ZFHX4: variants seen among roughly 807,000 people sequenced by gnomAD.
The protein encoded by ZFHX4 is zinc finger homeobox protein 4.
Under a neutral mutation model 267.6 loss-of-function variants are expected in ZFHX4, and 56 were observed. The observed-to-expected ratio is 0.21, with a 90% CI of 0.17 to 0.26. The LOEUF is 0.26. Among genes scored for constraint, ZFHX4 ranks in the 10% least tolerant of loss-of-function variants. The pLI is 1.00. For missense variants in ZFHX4, 4,332 were observed against 4,420.0 expected (o/e 0.98, Z 0.56); for synonymous variants, 1,778 against 1,665.6 (o/e 1.07, Z -1.64).
intron 3 of ZFHX4, among the ~76,000 whole-genome samples, chr8:76,768,909 A>T (rs1269875012): frequency 6.6e-6 from 1 of 152,152 alleles, no homozygotes; most frequent in Non-Finnish European, 1.5e-5. Context: ...AGAAAAAGAG[A>T]TGGCAAACAA....
chr8:76,849,492 G>A lies in ZFHX4; in HGVS notation c.3646-20G>A. 6.3e-7 allele frequency: 1 copy of A among 1,597,056 alleles called. No individual in the cohort carries two copies. The highest frequency in any genetic ancestry group is 2.2e-5 in the East Asian group (1 of 44,744). ...AAATGCATTAACTAATAGTGGCCATGTTTATTCAATATTTTCCAGTTCTAT... is the reference window on the plus strand; with the variant it reads ...AAATGCATTAACTAATAGTGGCCATATTTATTCAATATTTTCCAGTTCTAT... On this transcript the variant is annotated intron_variant, in intron 7 of 10. Transcript: ENST00000651372.
chr8:76,747,310 C>T (rs941030888), intron 3 of ZFHX4, among the ~76,000 whole-genome samples: 17 of 152,108 alleles, frequency 1.1e-4, no homozygotes, highest in African/African-American at 4.1e-4. Context: ...GGTACATGTA[C>T]AGGTTTGTTA....
chr8:76,790,928 C>G (rs1301018480), intron 4 of ZFHX4, among the ~76,000 whole-genome samples: 3 of 152,134 alleles, frequency 2.0e-5, no homozygotes, highest in Non-Finnish European at 4.4e-5. Context: ...TGAGTAACAG[C>G]CACTCAACCA....
At chr8:76,714,330 G>T (rs1256068574) in intron 3 of ZFHX4, among the ~76,000 whole-genome samples, 1 of 152,172 alleles carries the variant, frequency 6.6e-6, no homozygotes, top group African/African-American at 2.4e-5. Context: ...TCTTGGCCCT[G>T]GGTGGAGTGA....
At chr8:76,829,405 G>T (rs564433855) in intron 4 of ZFHX4, among the ~76,000 whole-genome samples, 1 of 152,192 alleles carries the variant, frequency 6.6e-6, no homozygotes, top group South Asian at 2.1e-4. Flanking sequence ...GGAAGGAAAA[G>T]GTAGAAAGGA....
intron 3 of ZFHX4, among the ~76,000 whole-genome samples, chr8:76,710,806 A>G (rs1378756533): frequency 1.3e-5 from 2 of 152,102 alleles, no homozygotes; most frequent in Non-Finnish European, 2.9e-5. Context: ...CATTACCTAA[A>G]AGTGTGTCCT....
rs767195163 is a variant in ZFHX4, at chr8:76,863,702, C to T, written c.9988C>T (p.Leu3330=). Residue 3330 remains leucine, a synonymous_variant, in exon 11 of 11, where the codon CTG becomes TTG. Coordinates refer to ENST00000651372, the MANE Select transcript of ZFHX4 (RefSeq NM_024721.5). ...QQYQQNLQES[L]QKQQKQQQEQ... The stretch of plus-strand genomic sequence containing the variant: ...GTATCAGCAGAACCTGCAGGAGTCC[C>T]TGCAAAAGCAGCAAAAGCAACAGCA... 14 of 1,578,756 alleles carry T rather than the reference C, an allele frequency of 8.9e-6. No individual in the cohort carries two copies. The highest frequency in any genetic ancestry group is 5.7e-5 in the Admixed American group (3 of 53,086).
intron 5 of ZFHX4, among the ~76,000 whole-genome samples, chr8:76,839,105 C>A: frequency 1.5e-5 from 2 of 132,542 alleles, no homozygotes; most frequent in Middle Eastern, 4.4e-3. Context: ...GAGAGAAGGA[C>A]AATGGGAAAT....
chr8:76,834,929 T>A (rs922911330), intron 5 of ZFHX4, among the ~76,000 whole-genome samples: 4 of 151,746 alleles, frequency 2.6e-5, no homozygotes, highest in African/African-American at 9.6e-5. Context: ...CTGAAGGATA[T>A]AAGGTTTGTG....
chr8:76,842,797 G>A lies in ZFHX4; in HGVS notation c.3511+26G>A, dbSNP rs144079730. On this transcript the variant is annotated intron_variant, in intron 6 of 10. Coordinates refer to ENST00000651372, the MANE Select transcript of ZFHX4 (RefSeq NM_024721.5). ...GTAAGATGCAAGAATCTTTCACCTC[G>A]GCATTTCCCTATACCCATTCCCTGC... 2,018 of 1,504,994 alleles carry A rather than the reference G, an allele frequency of 1.3e-3. 18 individuals carry two copies. In the African/African-American group the frequency reaches 0.023, roughly 17 times the overall value. The allele number at this position is 1,504,994 out of a possible 1,614,324, so 93.2% of individuals were successfully genotyped here. A position where few individuals can be genotyped will look rare whatever the true frequency, so the allele number is the denominator to read the frequency against.
intron 3 of ZFHX4, among the ~76,000 whole-genome samples, chr8:76,712,175 TGG>T (rs1438362580): frequency 6.6e-6 from 1 of 152,188 alleles, no homozygotes; most frequent in Non-Finnish European, 1.5e-5. Flanking sequence ...GGAACACACT[TGG>T]GATTTAGTCC....
intron 4 of ZFHX4, among the ~76,000 whole-genome samples, chr8:76,824,636 G>A (rs998406584): frequency 3.3e-5 from 5 of 152,100 alleles, no homozygotes; most frequent in African/African-American, 1.2e-4. Context: ...GCAGTAGCAT[G>A]AGTATAGCTC....
At chr8:76,815,968 T>A (rs1048213073) in intron 4 of ZFHX4, among the ~76,000 whole-genome samples, 1 of 152,230 alleles carries the variant, frequency 6.6e-6, no homozygotes, top group African/African-American at 2.4e-5. Context: ...TCCAGTCTTA[T>A]GAGGTCTTGT....
At chr8:76,816,016 A>G (rs1042134393) in intron 4 of ZFHX4, among the ~76,000 whole-genome samples, 3 of 152,196 alleles carry the variant, frequency 2.0e-5, no homozygotes, top group South Asian at 4.1e-4. Flanking sequence ...TTTGATGAAA[A>G]TAATTGCAGA....
intron 4 of ZFHX4, among the ~76,000 whole-genome samples, chr8:76,795,503 T>A (rs1421358342): frequency 6.6e-6 from 1 of 152,020 alleles, no homozygotes; most frequent in African/African-American, 2.4e-5. Flanking sequence ...CCATGTAAAT[T>A]TTAAGCCATT....
rs551645086 is a variant in ZFHX4, at chr8:76,690,002, G to A, written c.-47+8382G>A. On this transcript the variant is annotated intron_variant, in intron 1 of 10. Transcript: ENST00000651372. Reference sequence around the variant, plus strand: ...ATGGTCCAAGAAAAGTTGTGAGGACGTGTTTTGGTCACTCAGGTTAGCGGT... The same window carrying A: ...ATGGTCCAAGAAAAGTTGTGAGGACATGTTTTGGTCACTCAGGTTAGCGGT... Among the ~76,000 whole-genome samples, 21 of 152,176 alleles carry A rather than the reference G, an allele frequency of 1.4e-4. No individual in the cohort carries two copies. The South Asian group carries it at 2.7e-3, about 19-fold the overall frequency.
chr8:76,806,025 C>A (rs965920412), intron 4 of ZFHX4, among the ~76,000 whole-genome samples: 4 of 151,976 alleles, frequency 2.6e-5, no homozygotes, highest in African/African-American at 9.7e-5. Flanking sequence ...GCAGATCAAG[C>A]AAGATAAGAG....
intron 1 of ZFHX4, among the ~76,000 whole-genome samples, chr8:76,691,364 T>C (rs1324357527): frequency 6.6e-6 from 1 of 152,068 alleles, no homozygotes; most frequent in Admixed American, 6.5e-5. Flanking sequence ...ACTTAAAGTG[T>C]ATTTATCATA....
intron 5 of ZFHX4, among the ~76,000 whole-genome samples, chr8:76,835,243 A>ATATATATATATGTATATATATG (rs1554572185): frequency 1.8e-4 from 19 of 102,716 alleles, no homozygotes; most frequent in African/African-American, 8.3e-4. Context: ...ATATATATGT[A>ATATATATATATGTATATATATG]TATATATATA....
Sources: gnomAD v4.1 joint callset for allele counts (sites outside exome capture counted in the v4.1 genomes callset) on GRCh38, gnomAD v4.1.1 for gene constraint, MANE v1.5 for transcripts, NCBI Gene and HGNC (gene_info 2026-07-23, HGNC 2026-07-21) for gene names.